LRMDA: variants seen among roughly 807,000 people sequenced by gnomAD.
LRMDA encodes the protein leucine-rich melanocyte differentiation-associated protein.
Under a neutral mutation model 29.8 loss-of-function variants are expected in LRMDA, and 18 were observed. The ratio of observed to expected loss-of-function variants is 0.60; its 90% CI spans 0.42 to 0.90. LRMDA has a LOEUF of 0.90. Among genes scored for constraint, LRMDA ranks in the 40% least tolerant of loss-of-function variants. LRMDA has a pLI of 0.00. For synonymous variants in LRMDA, 125 were observed against 109.4 expected, an observed-to-expected ratio of 1.14 and a Z score of -0.89; for missense variants, 273 against 273.9, an observed-to-expected ratio of 1.00 and a Z score of 0.02.
At chr10:76,144,681 T>C (rs1268895729) in intron 5 of LRMDA, among the ~76,000 whole-genome samples, 1 of 152,184 alleles carries the variant, frequency 6.6e-6, no homozygotes, top group Non-Finnish European at 1.5e-5. Flanking sequence ...GAATACCCTT[T>C]ATTTCCTTCT....
intron 3 of LRMDA, among the ~76,000 whole-genome samples, chr10:76,039,140 C>G (rs758747413): frequency 2.0e-5 from 3 of 152,182 alleles, no homozygotes; most frequent in Non-Finnish European, 4.4e-5. Context: ...GTCCCATGAC[C>G]AAAGCAAGTC....
intron 2 of LRMDA, among the ~76,000 whole-genome samples, chr10:75,752,592 A>C (rs1010438379): frequency 6.6e-6 from 1 of 152,224 alleles, no homozygotes; most frequent in East Asian, 1.9e-4. Context: ...TGGTGACATC[A>C]TGAAGGTGTA....
intron 2 of LRMDA, among the ~76,000 whole-genome samples, chr10:75,974,628 A>G (rs1276857162): frequency 6.6e-6 from 1 of 152,152 alleles, no homozygotes; most frequent in African/African-American, 2.4e-5. Context: ...TGAGGTAAGT[A>G]TTGCTTTTTC....
intron 2 of LRMDA, among the ~76,000 whole-genome samples, chr10:75,979,443 A>C (rs1847128484): frequency 6.6e-6 from 1 of 152,154 alleles, no homozygotes; most frequent in Non-Finnish European, 1.5e-5. Context: ...GAGTTTATTG[A>C]ACATGGTGCC....
intron 5 of LRMDA, among the ~76,000 whole-genome samples, chr10:76,129,433 C>T (rs555239746): frequency 6.6e-6 from 1 of 152,296 alleles, no homozygotes; most frequent in Non-Finnish European, 1.5e-5. Flanking sequence ...CAAATTGGTT[C>T]GGAGACTGAA....
chr10:75,744,377 C>T lies in LRMDA; in HGVS notation c.132-291631C>T, dbSNP rs76608378. ...TTGTTGTTTAAATATTTAGAGGGGTCTAGACATGTATCATAAAAGAATAGA... is the reference window on the plus strand; with the variant it reads ...TTGTTGTTTAAATATTTAGAGGGGTTTAGACATGTATCATAAAAGAATAGA... On this transcript the variant is annotated intron_variant, in intron 2 of 6. Coordinates refer to ENST00000611255, the MANE Select transcript of LRMDA (RefSeq NM_001305581.2). 7.9e-4 allele frequency among the ~76,000 whole-genome samples: 120 copies of T among 152,270 alleles called. 1 individual carries two copies. The East Asian group carries it at 0.016, about 21-fold the overall frequency.
intron 6 of LRMDA, among the ~76,000 whole-genome samples, chr10:76,528,785 C>A (rs1843204949): frequency 6.6e-6 from 1 of 152,076 alleles, no homozygotes; most frequent in East Asian, 1.9e-4. Context: ...GGAACACAGG[C>A]TTCTTTGATT....
chr10:76,490,135 A>C (rs1197820303), intron 6 of LRMDA, among the ~76,000 whole-genome samples: 1 of 151,914 alleles, frequency 6.6e-6, no homozygotes, highest in Non-Finnish European at 1.5e-5. Context: ...TTCTAGTTTT[A>C]TTCCATTGTG....
At chr10:75,704,035 C>T (rs1319929883) in intron 2 of LRMDA, among the ~76,000 whole-genome samples, 1 of 152,206 alleles carries the variant, frequency 6.6e-6, no homozygotes, top group Non-Finnish European at 1.5e-5. Context: ...CAAATAAAAA[C>T]ATTAGCAAAG....
chr10:75,456,669 T>A (rs2132035302), intron 2 of LRMDA, among the ~76,000 whole-genome samples: 1 of 152,294 alleles, frequency 6.6e-6, no homozygotes, highest in East Asian at 1.9e-4. Context: ...CTAAAATGGA[T>A]TTTATTTTAT....
chr10:76,315,687 G>A (rs1261325401), intron 5 of LRMDA, among the ~76,000 whole-genome samples: 1 of 152,198 alleles, frequency 6.6e-6, no homozygotes, highest in Non-Finnish European at 1.5e-5. Flanking sequence ...CCTGGGCAAC[G>A]TGGAAGGCAG....
At chr10:75,932,415 C>A (rs1043925058) in intron 2 of LRMDA, among the ~76,000 whole-genome samples, 2 of 152,068 alleles carry the variant, frequency 1.3e-5, no homozygotes, top group African/African-American at 4.8e-5. Flanking sequence ...GAGTTCAAGA[C>A]CAGCCTGGCA....
intron 5 of LRMDA, among the ~76,000 whole-genome samples, chr10:76,155,979 TAAAAC>T (rs1850530364): frequency 6.6e-6 from 1 of 152,174 alleles, no homozygotes; most frequent in Non-Finnish European, 1.5e-5. Context: ...ATTGTGTTCT[TAAAAC>T]AAAAGAGTGA....
At chr10:75,764,252 G>A (rs1214975336) in intron 2 of LRMDA, among the ~76,000 whole-genome samples, 1 of 152,080 alleles carries the variant, frequency 6.6e-6, no homozygotes, top group African/African-American at 2.4e-5. Flanking sequence ...TGTCATCAAC[G>A]GCTGCCAAGA....
chr10:76,396,996 T>C (rs1041831114), intron 6 of LRMDA, among the ~76,000 whole-genome samples: 7 of 152,134 alleles, frequency 4.6e-5, no homozygotes, highest in African/African-American at 1.4e-4. Context: ...CTCTTTTCCC[T>C]CAACTTGTCT....
chr10:75,516,233 C>T (rs1223805985), intron 2 of LRMDA, among the ~76,000 whole-genome samples: 1 of 152,158 alleles, frequency 6.6e-6, no homozygotes, highest in South Asian at 2.1e-4. Flanking sequence ...AATGGAATTG[C>T]TGGGTCAAAT....
intron 6 of LRMDA, among the ~76,000 whole-genome samples, chr10:76,534,699 AT>A (rs536255727): frequency 2.2e-4 from 34 of 152,306 alleles, no homozygotes; most frequent in South Asian, 4.1e-4. Flanking sequence ...AAATATTATC[AT>A]TTGGCAATGA....
At chr10:76,369,453 G>C (rs2132455985) in intron 6 of LRMDA, among the ~76,000 whole-genome samples, 1 of 152,234 alleles carries the variant, frequency 6.6e-6, no homozygotes, top group Non-Finnish European at 1.5e-5. Context: ...ATCCCTTCTA[G>C]CTTGTAGGGT....
chr10:76,557,954 T>G lies in LRMDA; in HGVS notation c.*666T>G, dbSNP rs1843578570. 1 of 152,310 alleles carries G rather than the reference T, an allele frequency of 6.6e-6. No individual in the cohort carries two copies. Among genetic ancestry groups the G allele is most frequent in the African/African-American group, 2.4e-5 (1 of 41,436 alleles). The allele number at this position is 152,310 out of a possible 1,614,324, so 9.4% of individuals were successfully genotyped here. A position where few individuals can be genotyped will look rare whatever the true frequency, so the allele number is the denominator to read the frequency against. On this transcript the variant is annotated 3_prime_UTR_variant, in exon 7 of 7. Transcript: ENST00000611255. ...TCATACATTTATGGCTGGCTTCATGTTGCTACAATCCCTTTATTGGCGTAA... is the reference window on the plus strand; with the variant it reads ...TCATACATTTATGGCTGGCTTCATGGTGCTACAATCCCTTTATTGGCGTAA...
Sources: allele counts gnomAD v4.1 joint callset (sites outside exome capture counted in the v4.1 genomes callset), GRCh38; gene constraint gnomAD v4.1.1; transcripts MANE v1.5; gene names NCBI Gene and HGNC (gene_info 2026-07-23, HGNC 2026-07-21).